KIAA1958: variants seen among roughly 807,000 people sequenced by gnomAD.
The protein encoded by KIAA1958 is KIAA1958.
KIAA1958 carries 14 observed loss-of-function variants against 47.2 expected under a neutral mutation model. The ratio of observed to expected loss-of-function variants is 0.30; its 90% confidence interval spans 0.20 to 0.46. The LOEUF (loss-of-function observed/expected upper bound fraction) is 0.46. Ranked by LOEUF, KIAA1958 falls within the 20% of genes least tolerant of loss-of-function variation. The pLI is 1.00. For missense variants in KIAA1958, 803 were observed against 909.2 expected (o/e 0.88, Z 1.50); for synonymous variants, 354 against 353.3 (o/e 1.00, Z -0.02).
At chr9:112,571,270 C>T (rs1815449890) in intron 1 of KIAA1958, among the ~76,000 whole-genome samples, 1 of 152,186 alleles carries the variant, frequency 6.6e-6, no homozygotes, top group Non-Finnish European at 1.5e-5. Context: ...CACTCATATG[C>T]ATTTCCTTAA....
intron 1 of KIAA1958, among the ~76,000 whole-genome samples, chr9:112,543,915 TAGA>T (rs1477662727): frequency 6.6e-6 from 1 of 152,236 alleles, no homozygotes; most frequent in Non-Finnish European, 1.5e-5. Flanking sequence ...TTATTGTGTG[TAGA>T]AGATGCCTAA....
chr9:112,583,766 C>CA (rs879496207), intron 2 of KIAA1958, among the ~76,000 whole-genome samples: 2 of 152,132 alleles, frequency 1.3e-5, no homozygotes, highest in Non-Finnish European at 2.9e-5. Context: ...TACACAGACA[C>CA]ACACACTTAA....
chr9:112,510,071 A>G (rs927358989), intron 1 of KIAA1958, among the ~76,000 whole-genome samples: 2 of 152,224 alleles, frequency 1.3e-5, no homozygotes. Flanking sequence ...ATTTGCTCCT[A>G]AGATCTTTGC....
chr9:112,528,015 TA>T (rs1834689257), intron 1 of KIAA1958, among the ~76,000 whole-genome samples: 1 of 152,086 alleles, frequency 6.6e-6, no homozygotes, highest in South Asian at 2.1e-4. Context: ...AATCTGCCGA[TA>T]TTATCTTCTA....
chr9:112,637,123 T>A (rs1836816822), intron 2 of KIAA1958, among the ~76,000 whole-genome samples: 1 of 152,180 alleles, frequency 6.6e-6, no homozygotes, highest in South Asian at 2.1e-4. Flanking sequence ...TCAGTTACCC[T>A]TATTTGTGTT....
At chr9:112,512,506 A>G (rs1250553079) in intron 1 of KIAA1958, among the ~76,000 whole-genome samples, 1 of 152,230 alleles carries the variant, frequency 6.6e-6, no homozygotes, top group Non-Finnish European at 1.5e-5. Context: ...GATCTTTTCA[A>G]CCTGATAAAG....
At chr9:112,628,967 G>C (rs1452947699) in intron 2 of KIAA1958, among the ~76,000 whole-genome samples, 2 of 152,130 alleles carry the variant, frequency 1.3e-5, no homozygotes, top group East Asian at 1.9e-4. Flanking sequence ...GAAGATGATT[G>C]AAAGTGTTTT....
At position 112,648,218 on chromosome 9, in the gene KIAA1958, C is replaced by T. The variant is rs1485245809; in HGVS notation, c.1344+2396C>T. Among the ~76,000 whole-genome samples the T allele has an allele frequency of 7.9e-5, 12 of 152,298 alleles. No individual in the cohort carries two copies. In the East Asian group the frequency reaches 2.3e-3, roughly 29 times the overall value. On this transcript the variant is annotated intron_variant, in intron 3 of 3. Coordinates refer to ENST00000337530, the MANE Select transcript of KIAA1958 (RefSeq NM_133465.4). ...ACAGCAAACAAGGTAATACCTGTGA[C>T]TGCTCCAGCTTACTGCCTTGAGAGA...
At position 112,558,878 on chromosome 9, in the gene KIAA1958, T is replaced by G. The variant is rs146318098; in HGVS notation, c.-24-15179T>G. Among the ~76,000 whole-genome samples, 14 of 152,310 alleles carry G rather than the reference T, an allele frequency of 9.2e-5. 1 individual carries two copies. In the East Asian group the frequency reaches 2.7e-3, roughly 29 times the overall value. On this transcript the variant is annotated intron_variant, in intron 1 of 3. Transcript: ENST00000337530. ...AGCTAGTGAAGATATAAGAATTAAT[T>G]TGTATATTATATAACACTTTGGGTA...
chr9:112,545,193 C>T (rs1835006949), intron 1 of KIAA1958, among the ~76,000 whole-genome samples: 1 of 152,148 alleles, frequency 6.6e-6, no homozygotes, highest in Non-Finnish European at 1.5e-5. Flanking sequence ...CCCAAATCTG[C>T]TTGTTTTGCA....
chr9:112,597,292 T>G (rs1411994305), intron 2 of KIAA1958, among the ~76,000 whole-genome samples: 2 of 152,220 alleles, frequency 1.3e-5, no homozygotes, highest in African/African-American at 4.8e-5. Flanking sequence ...TCTCACTAAT[T>G]ATTTATGTTA....
intron 3 of KIAA1958, among the ~76,000 whole-genome samples, chr9:112,655,455 A>G (rs756614430): frequency 1.2e-4 from 18 of 152,224 alleles, no homozygotes; most frequent in Non-Finnish European, 2.6e-4. Context: ...TTTACGTTCT[A>G]CAATAATCCC....
At chr9:112,655,332 T>G (rs1837130894) in intron 3 of KIAA1958, among the ~76,000 whole-genome samples, 1 of 152,216 alleles carries the variant, frequency 6.6e-6, no homozygotes, top group Admixed American at 6.5e-5. Flanking sequence ...CAGGATAGGT[T>G]CGATGCCTCT....
At chr9:112,595,383 G>A (rs894226943) in intron 2 of KIAA1958, among the ~76,000 whole-genome samples, 23 of 152,124 alleles carry the variant, frequency 1.5e-4, no homozygotes, top group African/African-American at 4.8e-4. Context: ...TAAGCTGGCC[G>A]GGTGCAGTGG....
chr9:112,574,700 T>C lies in KIAA1958; in HGVS notation c.620T>C (p.Ile207Thr). 6.2e-7 allele frequency: 1 copy of C among 1,613,796 alleles called. No homozygotes were observed. The highest frequency in any genetic ancestry group is 8.5e-7 in the Non-Finnish European group (1 of 1,179,972). The change falls in exon 2 of 4, where the codon ATC becomes ACC. Residue 207 changes from isoleucine (I) to threonine (T), a missense_variant. By Grantham distance (89) the Ile-to-Thr change is moderately conservative. Coordinates refer to ENST00000337530, the MANE Select transcript of KIAA1958 (RefSeq NM_133465.4). ...DVIIKKIKQE[I>T]PEDYYIVANA... ...ATCATCAAGAAAATCAAACAAGAAATCCCCGAAGATTATTACATTGTGGCA... is the reference window on the plus strand; with the variant it reads ...ATCATCAAGAAAATCAAACAAGAAACCCCCGAAGATTATTACATTGTGGCA...
intron 2 of KIAA1958, among the ~76,000 whole-genome samples, chr9:112,599,051 G>T (rs1193373027): frequency 6.6e-6 from 1 of 152,010 alleles, no homozygotes; most frequent in African/African-American, 2.4e-5. Context: ...CTCTACCCTT[G>T]GTGACAGAGT....
intron 2 of KIAA1958, among the ~76,000 whole-genome samples, chr9:112,626,225 T>C (rs915400717): frequency 6.6e-6 from 1 of 152,208 alleles, no homozygotes; most frequent in Non-Finnish European, 1.5e-5. Context: ...GCAAATTATT[T>C]GTATTTCTCA....
chr9:112,587,404 C>G (rs1441596588), intron 2 of KIAA1958, among the ~76,000 whole-genome samples: 1 of 152,156 alleles, frequency 6.6e-6, no homozygotes, highest in Admixed American at 6.5e-5. Context: ...CCCGCTTTGG[C>G]CCCCCAAAGT....
At chr9:112,508,481 C>A (rs1030812189) in intron 1 of KIAA1958, among the ~76,000 whole-genome samples, 2 of 152,180 alleles carry the variant, frequency 1.3e-5, no homozygotes, top group African/African-American at 4.8e-5. Context: ...CAGCTACATA[C>A]GATGATGGCA....
Sources: allele counts gnomAD v4.1 joint callset (sites outside exome capture counted in the v4.1 genomes callset), GRCh38; gene constraint gnomAD v4.1.1; transcripts MANE v1.5; gene names NCBI Gene and HGNC (gene_info 2026-07-23, HGNC 2026-07-21).